MKX: variants seen among roughly 807,000 people sequenced by gnomAD.
MKX encodes the protein homeobox protein Mohawk.
Under a neutral mutation model 36.0 loss-of-function variants are expected in MKX, and 13 were observed. The observed-to-expected ratio is 0.36, with a 90% CI of 0.24 to 0.57. MKX has a LOEUF of 0.57. Ranked by LOEUF, MKX falls within the 20% of genes least tolerant of loss-of-function variation. MKX has a pLI of 0.79. For missense variants in MKX, 458 were observed against 456.4 expected (o/e 1.00, Z -0.03); for synonymous variants, 176 against 178.3 (o/e 0.99, Z 0.10).
At chr10:27,688,956 T>A (rs1253850705) in intron 5 of MKX, among the ~76,000 whole-genome samples, 1 of 152,142 alleles carries the variant, frequency 6.6e-6, no homozygotes, top group East Asian at 1.9e-4. Flanking sequence ...TGGAAAAAAA[T>A]GTGCATTCAT....
chr10:27,694,684 G>A (rs1836521154), intron 5 of MKX, among the ~76,000 whole-genome samples: 1 of 100,302 alleles, frequency 1.0e-5, no homozygotes. Context: ...GACAGAGCGA[G>A]ACTCTGTCTC....
At chr10:27,675,808 C>G (rs1836136672) in intron 5 of MKX, among the ~76,000 whole-genome samples, 1 of 152,190 alleles carries the variant, frequency 6.6e-6, no homozygotes, top group Non-Finnish European at 1.5e-5. Flanking sequence ...AAGTTATTTA[C>G]TCTGAGAAAT....
intron 4 of MKX, 141 bp from the exon 5 acceptor site, chr10:27,734,932 T>G: frequency 1.8e-6 from 1 of 549,346 alleles, no homozygotes; most frequent in East Asian, 3.4e-5. Context: ...AAGATCAATT[T>G]TTAGGCAATG....
In MKX at chr10:27,741,287, T is replaced by A; in HGVS notation, c.348+58A>T. 6.2e-7 allele frequency: 1 copy of A among 1,600,648 alleles called. No individual in the cohort carries two copies. Among genetic ancestry groups the A allele is most frequent in the Non-Finnish European group, 8.5e-7 (1 of 1,174,226 alleles). ...GGAGAGCCACACGAACTCTAAGCGT[T>A]CCCGCTCTTCAGCCCCTCGCGGGAA... On this transcript the variant is annotated intron_variant, in intron 3 of 6. Transcript: ENST00000419761. The surrounding 1 kb of genome is among the most constrained non-coding windows in gnomAD (Gnocchi z 5.1).
chr10:27,730,145 T>G (rs960014768), intron 5 of MKX, among the ~76,000 whole-genome samples: 1 of 152,236 alleles, frequency 6.6e-6, no homozygotes, highest in African/African-American at 2.4e-5. Context: ...ATTAATTACA[T>G]TTAGATGCAA....
chr10:27,713,091 G>T (rs989911667), intron 5 of MKX, among the ~76,000 whole-genome samples: 1 of 152,158 alleles, frequency 6.6e-6, no homozygotes, highest in African/African-American at 2.4e-5. Flanking sequence ...TTTCACATCT[G>T]AATCCACGCG....
chr10:27,699,686 C>T (rs1836618527), intron 5 of MKX, among the ~76,000 whole-genome samples: 1 of 152,152 alleles, frequency 6.6e-6, no homozygotes, highest in Non-Finnish European at 1.5e-5. Context: ...CGCGCCTTCC[C>T]AGTTTCAATT....
chr10:27,734,686 C>T lies in MKX; in HGVS notation c.608G>A (p.Arg203Lys), dbSNP rs778019547. The change falls in exon 5 of 7, where the codon AGG (arginine) becomes AAG (lysine). Residue 203 changes from arginine to lysine, a missense_variant. This residue lies in a region of MKX where 297 missense variants were observed against 304.4 expected (regional missense o/e 0.98). Transcript: ENST00000419761. Reference protein sequence around the residue: ...SENSVIKAGVRPESRASEDYV... With the variant: ...SENSVIKAGVKPESRASEDYV... ...GTCCTCACTGGCCCGTGACTCTGGC[C>T]TCACTCCCGCTTTGATGACCGAATT... 1 of 1,614,086 alleles carries T rather than the reference C, an allele frequency of 6.2e-7. No individual in the cohort carries two copies. Among genetic ancestry groups the T allele is most frequent in the Non-Finnish European group, 8.5e-7 (1 of 1,180,010 alleles).
intron 5 of MKX, among the ~76,000 whole-genome samples, chr10:27,693,537 G>T (rs1165142773): frequency 6.6e-6 from 1 of 152,118 alleles, no homozygotes; most frequent in Non-Finnish European, 1.5e-5. Flanking sequence ...AAAAGTTTTT[G>T]CAAGGCCATT....
At chr10:27,712,030 G>T (rs1203072500) in intron 5 of MKX, among the ~76,000 whole-genome samples, 1 of 152,030 alleles carries the variant, frequency 6.6e-6, no homozygotes, top group African/African-American at 2.4e-5. Flanking sequence ...TTCTAGATTG[G>T]CCAGGTGAAG....
At chr10:27,684,018 A>G (rs1836299898) in intron 5 of MKX, among the ~76,000 whole-genome samples, 1 of 152,174 alleles carries the variant, frequency 6.6e-6, no homozygotes, top group African/African-American at 2.4e-5. Context: ...TTCTTTTTAT[A>G]AATAGCATTT....
intron 5 of MKX, among the ~76,000 whole-genome samples, chr10:27,692,932 G>A (rs1836481301): frequency 6.6e-6 from 1 of 152,220 alleles, no homozygotes; most frequent in Non-Finnish European, 1.5e-5. Context: ...CAGGCGAACA[G>A]CTTGGCCACT....
intron 5 of MKX, among the ~76,000 whole-genome samples, chr10:27,676,196 C>T (rs1236976502): frequency 1.3e-5 from 2 of 151,644 alleles, no homozygotes; most frequent in African/African-American, 4.8e-5. Context: ...ATTGCTTGAG[C>T]CCAGGGGGGT....
At chr10:27,728,839 AT>A (rs1186047407) in intron 5 of MKX, among the ~76,000 whole-genome samples, 1 of 152,160 alleles carries the variant, frequency 6.6e-6, no homozygotes. Flanking sequence ...GCCAAGAAAA[AT>A]GGTTTGGAGA....
rs1180388088 is a variant in MKX, at chr10:27,742,026, C to G, written c.189-522G>C. On this transcript the variant is annotated intron_variant, in intron 2 of 6. Transcript: ENST00000419761. This position sits in a 1 kb window ranked among gnomAD's most constrained non-coding sequence, Gnocchi z 4.2. ...AAGCAAAGGAGCATTGCCGCCCCGG[C>G]TCTCTTTAAGCTATTTCCTTTGATC... 6.6e-6 allele frequency among the ~76,000 whole-genome samples: 1 copy of G among 152,218 alleles called. No individual in the cohort carries two copies. The highest frequency in any genetic ancestry group is 1.5e-5 in the Non-Finnish European group (1 of 68,038).
intron 5 of MKX, among the ~76,000 whole-genome samples, chr10:27,720,841 T>C (rs1834359464): frequency 4.6e-5 from 7 of 152,060 alleles, no homozygotes; most frequent in Admixed American, 4.6e-4. Flanking sequence ...ACACAAAACT[T>C]ACTATCTGAA....
chr10:27,734,154 CTTGAG>C (rs961259004), intron 5 of MKX, among the ~76,000 whole-genome samples: 2 of 151,560 alleles, frequency 1.3e-5, no homozygotes, highest in Non-Finnish European at 2.9e-5. Context: ...ATTCTTCCAT[CTTGAG>C]TTAATTTTTG....
chr10:27,687,012 T>C (rs903461773), intron 5 of MKX, among the ~76,000 whole-genome samples: 9 of 151,718 alleles, frequency 5.9e-5, no homozygotes, highest in South Asian at 2.1e-4. Context: ...CCTCTCTCTT[T>C]TTTTTTTTTT....
intron 5 of MKX, 122 bp downstream of exon 5, chr10:27,734,334 A>T: frequency 1.1e-6 from 1 of 879,138 alleles, no homozygotes; most frequent in Non-Finnish European, 1.7e-6. Context: ...TTAAAACTGA[A>T]TTATGGGCAA....
Sources: allele counts gnomAD v4.1 joint callset (sites outside exome capture counted in the v4.1 genomes callset), GRCh38; gene constraint gnomAD v4.1.1; regional missense constraint gnomAD v4.1.1; non-coding constraint Gnocchi (gnomAD v3.1); transcripts MANE v1.5; gene names NCBI Gene and HGNC (gene_info 2026-07-23, HGNC 2026-07-21).